The following LRP1B variants were observed in gnomAD, a reference collection of about 807,000 sequenced individuals.
LRP1B encodes low-density lipoprotein receptor-related protein 1B.
LRP1B carries 217 observed loss-of-function variants against 556.6 expected under a neutral mutation model. The observed-to-expected ratio is 0.39, with a 90% CI of 0.35 to 0.44. LRP1B has a LOEUF of 0.44. LRP1B is among the 20% of genes least tolerant of loss of function. LRP1B has a pLI of 1.00. For missense variants in LRP1B, 5,053 were observed against 5,620.8 expected, an observed-to-expected ratio of 0.90 and a Z score of 3.23; for synonymous variants, 2,047 against 1,865.8, an observed-to-expected ratio of 1.10 and a Z score of -2.50.
rs765658281 is a variant in LRP1B, at chr2:141,395,978, C to T, written c.343+84418G>A. On this transcript the variant is annotated intron_variant, in intron 3 of 90. Coordinates refer to ENST00000389484, the MANE Select transcript of LRP1B (RefSeq NM_018557.3). ...ATCAACATTTAATTGAGAGAATGAT[C>T]CAGGTGACCTCTATGGCACTCATGA... 9.5e-4 allele frequency among the ~76,000 whole-genome samples: 144 copies of T among 152,224 alleles called. 1 individual carries two copies. The highest frequency in any genetic ancestry group is 6.8e-3 in the Middle Eastern group (2 of 294).
At chr2:140,459,296 T>C (rs16844021) in intron 60 of LRP1B, among the ~76,000 whole-genome samples, 2,345 of 152,276 alleles carry the variant, frequency 0.015, 61 homozygotes, top group African/African-American at 0.052. Flanking sequence ...ATCTTGGTGA[T>C]GGGTGATTAT....
chr2:140,547,873 T>C (rs1401463234), intron 43 of LRP1B, among the ~76,000 whole-genome samples: 1 of 151,966 alleles, frequency 6.6e-6, no homozygotes, highest in Non-Finnish European at 1.5e-5. Flanking sequence ...AATATAATTT[T>C]TTAAATAAAG....
chr2:140,624,790 T>C (rs1212901857), intron 41 of LRP1B, among the ~76,000 whole-genome samples: 1 of 152,166 alleles, frequency 6.6e-6, no homozygotes, highest in African/African-American at 2.4e-5. Context: ...TATGTTGTGA[T>C]AACTATTTCT....
intron 3 of LRP1B, among the ~76,000 whole-genome samples, chr2:141,352,938 TG>T (rs1206177783): frequency 6.6e-6 from 1 of 152,000 alleles, no homozygotes; most frequent in Non-Finnish European, 1.5e-5. Flanking sequence ...AATTATATGA[TG>T]TTTTTCATAG....
Position 141,150,772 on chromosome 2 carries a change from T to G in LRP1B, c.1013+37649A>C, listed in dbSNP as rs78735464. ...CTCCTTAGCTCAATTAGTGTTATCC[T>G]TTGCCTTCCAACAGTGAAATACATT... On this transcript the variant is annotated intron_variant, in intron 7 of 90. Coordinates refer to ENST00000389484, the MANE Select transcript of LRP1B (RefSeq NM_018557.3). 7.6e-3 allele frequency among the ~76,000 whole-genome samples: 1,159 copies of G among 152,182 alleles called. 14 individuals carry two copies. Among genetic ancestry groups the G allele is most frequent in the African/African-American group, 0.026 (1,091 of 41,536 alleles).
At chr2:141,592,320 T>C (rs1687369723) in intron 2 of LRP1B, among the ~76,000 whole-genome samples, 1 of 152,150 alleles carries the variant, frequency 6.6e-6, no homozygotes, top group Non-Finnish European at 1.5e-5. Context: ...AAGTCCAAGA[T>C]CAAGATACCA....
rs182827280 is a variant in LRP1B at position 140,967,306 on chromosome 2, C to T, written c.2887+14854G>A. On this transcript the variant is annotated intron_variant, in intron 18 of 90. Transcript: ENST00000389484. Reference sequence around the variant, plus strand: ...AGGTATTTTATTCTCTTTGAAGCAACTGTGAATGGGAGTTCACTCACGATT... The same window carrying T: ...AGGTATTTTATTCTCTTTGAAGCAATTGTGAATGGGAGTTCACTCACGATT... Among the ~76,000 whole-genome samples, 903 of 145,124 alleles carry T rather than the reference C, an allele frequency of 6.2e-3. 13 individuals are homozygous for T. Among genetic ancestry groups the T allele is most frequent in the Admixed American group, 0.042 (575 of 13,564 alleles).
At chr2:141,321,482 T>C (rs2105471833) in intron 3 of LRP1B, among the ~76,000 whole-genome samples, 1 of 152,252 alleles carries the variant, frequency 6.6e-6, no homozygotes, top group South Asian at 2.1e-4. Context: ...GAGGTCCTTT[T>C]TTAACAGTAT....
chr2:141,265,377 C>T (rs2105358335), intron 3 of LRP1B, among the ~76,000 whole-genome samples: 1 of 152,232 alleles, frequency 6.6e-6, no homozygotes, highest in Admixed American at 6.5e-5. Flanking sequence ...TGCAGCGCGA[C>T]CCCCTTCAAC....
chr2:141,990,761 T>G (rs187301655), intron 1 of LRP1B, among the ~76,000 whole-genome samples: 55 of 152,188 alleles, frequency 3.6e-4, no homozygotes, highest in Admixed American at 1.9e-3. Flanking sequence ...ACATATTTGA[T>G]ATTTTTAAGT....
chr2:140,936,339 CAAAAAAAAAAAA>C (rs59717868), intron 20 of LRP1B, among the ~76,000 whole-genome samples: 1 of 86,824 alleles, frequency 1.2e-5, no homozygotes, highest in African/African-American at 4.6e-5. Context: ...GACTCCGTCT[CAAAAAAAAAAAA>C]AAAAAAAAAA....
intron 1 of LRP1B, among the ~76,000 whole-genome samples, chr2:141,934,327 CAATG>C (rs1376304428): frequency 2.6e-5 from 4 of 151,846 alleles, no homozygotes; most frequent in Non-Finnish European, 5.9e-5. Context: ...GGTAAAGAAA[CAATG>C]TATTAAAAGA....
intron 3 of LRP1B, among the ~76,000 whole-genome samples, chr2:141,375,630 G>T (rs1249036941): frequency 6.6e-6 from 1 of 152,190 alleles, no homozygotes; most frequent in Non-Finnish European, 1.5e-5. Context: ...TCACAGCTGG[G>T]TGGGAGCTGC....
rs10678590 is a variant in LRP1B, at chr2:141,993,429, A to ATTTTT, written c.82+137214_82+137218dup. The stretch of plus-strand genomic sequence containing the variant: ...CTGGGGGCTCCACTAGGAGCAGGAA[A>ATTTTT]TTTTTCCCCTCCACCTTCCAATCTT... On this transcript the variant is annotated intron_variant, in intron 1 of 90. Transcript: ENST00000389484. Among the ~76,000 whole-genome samples the ATTTTT allele has an allele frequency of 4.4e-3, 667 of 151,524 alleles. 2 individuals are homozygous for ATTTTT. The highest frequency in any genetic ancestry group is 0.015 in the African/African-American group (636 of 41,306).
At chr2:141,730,697 G>A (rs1331517892) in intron 2 of LRP1B, among the ~76,000 whole-genome samples, 1 of 152,078 alleles carries the variant, frequency 6.6e-6, no homozygotes, top group Non-Finnish European at 1.5e-5. Context: ...ATTATTAAGG[G>A]TGATAAAAAA....
chr2:140,413,946 C>G (rs1685070949), intron 66 of LRP1B, among the ~76,000 whole-genome samples: 1 of 152,150 alleles, frequency 6.6e-6, no homozygotes, highest in African/African-American at 2.4e-5. Flanking sequence ...AAGACAGGGT[C>G]TCATTCTGTC....
Position 141,343,586 on chromosome 2 carries a change from A to C in LRP1B, c.344-88945T>G, listed in dbSNP as rs867018449. 5.9e-5 allele frequency among the ~76,000 whole-genome samples: 9 copies of C among 152,274 alleles called. 2 individuals carry two copies. In the Middle Eastern group the frequency reaches 0.031, roughly 518 times the overall value. On this transcript the variant is annotated intron_variant, in intron 3 of 90. Transcript: ENST00000389484. Reference sequence around the variant, plus strand: ...TGGTCTTTATGTTAAGCTTTGTTTGATAGAGCCAGAACAGCATTTCAGGCT... The same window carrying C: ...TGGTCTTTATGTTAAGCTTTGTTTGCTAGAGCCAGAACAGCATTTCAGGCT...
At chr2:141,123,991 T>C (rs1701132643) in intron 7 of LRP1B, among the ~76,000 whole-genome samples, 1 of 152,154 alleles carries the variant, frequency 6.6e-6, no homozygotes. Context: ...AATGAATATG[T>C]CTAATTTTTT....
chr2:140,804,648 A>ATTTT (rs1690646115), intron 32 of LRP1B, among the ~76,000 whole-genome samples: 1 of 103,892 alleles, frequency 9.6e-6, no homozygotes. Flanking sequence ...GGTAAAAACT[A>ATTTT]ATTTTTTTTT....
Sources: allele counts gnomAD v4.1 joint callset (sites outside exome capture counted in the v4.1 genomes callset), GRCh38; gene constraint gnomAD v4.1.1; transcripts MANE v1.5; gene names NCBI Gene and HGNC (gene_info 2026-07-23, HGNC 2026-07-21).